The following ANKMY1 variants were observed in gnomAD, a reference collection of about 807,000 sequenced individuals.
ANKMY1 encodes ankyrin repeat and MYND domain-containing protein 1.
In ANKMY1, 98 loss-of-function variants were observed where a neutral mutation model predicts 102.0. The observed-to-expected ratio is 0.96, with a 90% confidence interval of 0.82 to 1.14. The LOEUF is 1.14. Among genes scored for constraint, ANKMY1 ranks in the 50% most tolerant of loss-of-function variants. The pLI, the probability that ANKMY1 is intolerant of heterozygous loss-of-function variation, is 0.00. For missense variants in ANKMY1, 1,330 were observed against 1,347.6 expected (o/e 0.99, Z 0.20); for synonymous variants, 582 against 559.9 (o/e 1.04, Z -0.56).
chr2:240,518,103 A>C (rs548783409), intron 9 of ANKMY1, among the ~76,000 whole-genome samples: 37 of 152,250 alleles, frequency 2.4e-4, no homozygotes, highest in Non-Finnish European at 4.3e-4. Context: ...ATGGGGGGGA[A>C]GGGTGTTGAA....
At chr2:240,540,293 CCTCAGGCACACTTT>C (rs1419097077) in intron 4 of ANKMY1, among the ~76,000 whole-genome samples, 1 of 152,212 alleles carries the variant, frequency 6.6e-6, no homozygotes, top group African/African-American at 2.4e-5. Flanking sequence ...GATCTGACTG[CCTCAGGCACACTTT>C]CTCAGGACTC....
At chr2:240,539,853 A>C (rs1461759255) in intron 4 of ANKMY1, among the ~76,000 whole-genome samples, 1 of 152,230 alleles carries the variant, frequency 6.6e-6, no homozygotes, top group Admixed American at 6.5e-5. Flanking sequence ...GAAAAACCGG[A>C]AAAACTGTGT....
At chr2:240,510,982 C>T (rs2080069726) in intron 11 of ANKMY1, among the ~76,000 whole-genome samples, 1 of 152,064 alleles carries the variant, frequency 6.6e-6, no homozygotes, top group Non-Finnish European at 1.5e-5. Context: ...TGAGTTCCTG[C>T]CACCCTTCAG....
rs1204581876 is a variant in ANKMY1, at chr2:240,480,300, C to G, written c.3046+637G>C. Among the ~76,000 whole-genome samples the G allele has an allele frequency of 3.9e-5, 6 of 152,330 alleles. No homozygotes were observed. In the East Asian group the frequency reaches 1.2e-3, roughly 29 times the overall value. ...GGGCTTTCCCAGACCCACTCCCGTC[C>G]CCACCAGGCCGGGAACCCAGCCAGG... On this transcript the variant is annotated intron_variant, in intron 17 of 17. Coordinates refer to ENST00000401804, the MANE Select transcript of ANKMY1 (RefSeq NM_001282771.3).
intron 2 of ANKMY1, among the ~76,000 whole-genome samples, chr2:240,555,729 C>G (rs537509715): frequency 6.6e-6 from 1 of 152,118 alleles, no homozygotes; most frequent in Admixed American, 6.5e-5. Flanking sequence ...TAGACCATCA[C>G]AGACGGACGT....
rs551446759 is a variant in ANKMY1, at chr2:240,511,963, C to T, written c.2184G>A (p.Glu728=). 2.0e-5 allele frequency: 32 copies of T among 1,564,588 alleles called. 1 individual carries two copies. In the Admixed American group the frequency reaches 3.8e-4, roughly 19 times the overall value. The change falls in exon 11 of 18, where the codon GAG becomes GAA. Residue 728 remains glutamate (E), a synonymous_variant. Transcript: ENST00000401804. ...TGTAGTAGGCTTGGGGAGGGCCTGG[C>T]TCATTGCTGAGCTTCAGACTTGAGG... ...LLPSSLKLSN[E]PGPPQAYYST...
chr2:240,557,330 T>G lies in ANKMY1; in HGVS notation c.6A>C (p.Glu2Asp). 1 of 1,556,970 alleles carries G rather than the reference T, an allele frequency of 6.4e-7. No homozygotes were observed. The change falls in exon 2 of 18, where the codon GAA becomes GAC. Residue 2 changes from glutamate to aspartate, a missense_variant. Coordinates refer to ENST00000401804, the MANE Select transcript of ANKMY1 (RefSeq NM_001282771.3). M[E>D]GAHASLSLED... ...CTAAGCTAAGGGAGGCATGGGCCCC[T>G]TCCATGTCTGTGGTCTTCCAACCTG...
At chr2:240,541,951 T>C (rs993931334) in intron 4 of ANKMY1, among the ~76,000 whole-genome samples, 4 of 152,054 alleles carry the variant, frequency 2.6e-5, no homozygotes, top group African/African-American at 9.7e-5. Flanking sequence ...GGCTCACGCC[T>C]GTAATCCCAG....
chr2:240,511,129 C>G (rs968558727), intron 11 of ANKMY1, among the ~76,000 whole-genome samples: 2 of 152,138 alleles, frequency 1.3e-5, no homozygotes, highest in Non-Finnish European at 2.9e-5. Context: ...CACCTCCCCA[C>G]CTCCCTGTCT....
rs1260923366 is a variant in ANKMY1, at chr2:240,520,110, C to T, written c.2004+252G>A. Reference sequence around the variant, plus strand: ...CGCTTCCCCTTAGTTTGCTTCAACACTGGGAAAAAAATCACACGGATCGTG... The same window carrying T: ...CGCTTCCCCTTAGTTTGCTTCAACATTGGGAAAAAAATCACACGGATCGTG... On this transcript the variant is annotated intron_variant, in intron 9 of 17. Transcript: ENST00000401804. This position sits in a 1 kb window ranked among gnomAD's most constrained non-coding sequence, Gnocchi z 4.8. The T allele has an allele frequency of 1.4e-6, 1 of 704,974 alleles. No homozygotes were observed. 43.7% of individuals were successfully genotyped at this position (704,974 alleles called of 1,614,324 possible).
At chr2:240,518,276 A>G (rs1362252952) in intron 9 of ANKMY1, among the ~76,000 whole-genome samples, 2 of 152,166 alleles carry the variant, frequency 1.3e-5, no homozygotes, top group Non-Finnish European at 2.9e-5. Flanking sequence ...ATCAAGGAAC[A>G]GAGACTCACT....
Position 240,499,835 on chromosome 2 carries a change from GCCCAGCC to G in ANKMY1, c.2806+116_2806+122del. 2.3e-6 allele frequency: 3 copies of G among 1,293,874 alleles called. No homozygotes were observed. The highest frequency in any genetic ancestry group is 3.2e-5 in the South Asian group (2 of 63,396). The allele number at this position is 1,293,874 out of a possible 1,614,324, so 80.1% of individuals were successfully genotyped here. ...GGACACAAAGGGGACAAGCCGACGA[GCCCAGCC>G]CCAGGAAGGCCCCTCCAAGAGCCCC... On this transcript the variant is annotated intron_variant, in intron 15 of 17. Coordinates refer to ENST00000401804, the MANE Select transcript of ANKMY1 (RefSeq NM_001282771.3). This position sits in a 1 kb window ranked among gnomAD's most constrained non-coding sequence, Gnocchi z 4.2.
At chr2:240,481,127 G>A in intron 16 of ANKMY1, 30 bp from the exon 17 acceptor site, 5 of 1,596,456 alleles carry the variant, frequency 3.1e-6, no homozygotes, top group Non-Finnish European at 4.3e-6. Context: ...TCAGCAGGCG[G>A]CCACTCCAGA....
intron 8 of ANKMY1, chr2:240,523,590 G>T (rs940812299): frequency 1.9e-5 from 9 of 463,832 alleles, no homozygotes; most frequent in African/African-American, 1.6e-4. Context: ...CTCCCACAGA[G>T]ACACTTCAGG....
chr2:240,548,762 C>A (rs1009270349), intron 4 of ANKMY1, among the ~76,000 whole-genome samples: 5 of 149,172 alleles, frequency 3.4e-5, no homozygotes, highest in African/African-American at 1.2e-4. Flanking sequence ...CTCCCATTCA[C>A]AATTGCTTCA....
At position 240,529,382 on chromosome 2, in the gene ANKMY1, G is replaced by A. The variant is rs750774893; in HGVS notation, c.608C>T (p.Ser203Phe). The A allele has an allele frequency of 5.0e-6, 8 of 1,614,172 alleles. No homozygotes were observed. The highest frequency in any genetic ancestry group is 4.4e-5 in the South Asian group (4 of 91,090). Residue 203 changes from serine (S) to phenylalanine (F), a missense_variant, in exon 5 of 18, where the codon TCC (serine) becomes TTC (phenylalanine). Physicochemically the swap from Ser to Phe is radical, Grantham distance 155. Coordinates refer to ENST00000401804, the MANE Select transcript of ANKMY1 (RefSeq NM_001282771.3). The surrounding 1 kb of genome is among the most constrained non-coding windows in gnomAD (Gnocchi z 4.2). ...KLCTQIPSGF[S>F]LLRYPEFSSF... is the part of the protein sequence containing the mutation. The stretch of plus-strand genomic sequence containing the variant: ...GGAGAACTCAGGGTATCTGAGGAGG[G>A]AGAAGCCACTGGGGATCTGGGTGCA...
At chr2:240,535,695 A>C (rs1039624886) in intron 4 of ANKMY1, among the ~76,000 whole-genome samples, 1 of 152,198 alleles carries the variant, frequency 6.6e-6, no homozygotes, top group African/African-American at 2.4e-5. Flanking sequence ...ATCTGGTAAG[A>C]ATTTATGGTT....
At chr2:240,539,124 C>T (rs1380582794) in intron 4 of ANKMY1, among the ~76,000 whole-genome samples, 5 of 152,186 alleles carry the variant, frequency 3.3e-5, no homozygotes, top group Admixed American at 6.5e-5. Flanking sequence ...CTGGGGTCCC[C>T]TTCCACACTG....
intron 4 of ANKMY1, among the ~76,000 whole-genome samples, chr2:240,542,866 A>G (rs1013723829): frequency 6.6e-6 from 1 of 150,424 alleles, no homozygotes; most frequent in Non-Finnish European, 1.5e-5. Flanking sequence ...TATGAATTGA[A>G]ATTAAGTAAA....
Sources: allele counts gnomAD v4.1 joint callset (sites outside exome capture counted in the v4.1 genomes callset), GRCh38; gene constraint gnomAD v4.1.1; non-coding constraint Gnocchi (gnomAD v3.1); transcripts MANE v1.5; gene names NCBI Gene and HGNC (gene_info 2026-07-23, HGNC 2026-07-21).